FGD4: variants seen among roughly 807,000 people sequenced by gnomAD.
FGD4 encodes FYVE, RhoGEF and PH domain containing 4.
A neutral mutation model predicts 102.0 loss-of-function variants in FGD4; 42 were observed. The ratio of observed to expected loss-of-function variants is 0.41; its 90% CI spans 0.32 to 0.53. The LOEUF is 0.53. Ranked by LOEUF, FGD4 falls within the 20% of genes least tolerant of loss-of-function variation. The pLI is 0.21. For synonymous variants in FGD4, 380 were observed against 375.7 expected, an observed-to-expected ratio of 1.01 and a Z score of -0.13; for missense variants, 902 against 1,078.2, an observed-to-expected ratio of 0.84 and a Z score of 2.29.
chr12:32,572,088 TTACACACACACATACA>T (rs1214814601), intron 2 of FGD4, among the ~76,000 whole-genome samples: 1 of 151,484 alleles, frequency 6.6e-6, no homozygotes, highest in Non-Finnish European at 1.5e-5. Context: ...GTATGTATGT[TTACACACACACATACA>T]TACACACACA....
At chr12:32,410,925 T>C (rs1260163439) in intron 1 of FGD4, among the ~76,000 whole-genome samples, 1 of 142,580 alleles carries the variant, frequency 7.0e-6, no homozygotes, top group East Asian at 2.0e-4. Context: ...GAACTCTTTT[T>C]TTTTTCTTTT....
intron 10 of FGD4, among the ~76,000 whole-genome samples, chr12:32,611,963 C>T (rs1163912016): frequency 6.6e-6 from 1 of 152,236 alleles, no homozygotes; most frequent in Non-Finnish European, 1.5e-5. Context: ...TGGCCTCTCC[C>T]CGCTCCCAAT....
chr12:32,410,017 A>AG (rs1444751761), intron 1 of FGD4, among the ~76,000 whole-genome samples: 2 of 151,902 alleles, frequency 1.3e-5, no homozygotes, highest in East Asian at 3.9e-4. Flanking sequence ...AAAAAAAAAA[A>AG]AAAAAAAAGT....
chr12:32,636,880 T>C (rs113154327), intron 15 of FGD4, among the ~76,000 whole-genome samples: 31,400 of 149,996 alleles, frequency 0.21, 3,544 homozygotes, highest in South Asian at 0.37. Flanking sequence ...TTTCTTTTTT[T>C]TTTTTTTTTA....
intron 1 of FGD4, among the ~76,000 whole-genome samples, chr12:32,548,776 T>G (rs930741603): frequency 2.0e-5 from 3 of 152,242 alleles, no homozygotes; most frequent in Non-Finnish European, 2.9e-5. Context: ...CCTGCCCTAC[T>G]GCTGCTTTGT....
chr12:32,505,427 A>G (rs1176229640), intron 1 of FGD4, among the ~76,000 whole-genome samples: 1 of 152,190 alleles, frequency 6.6e-6, no homozygotes, highest in Non-Finnish European at 1.5e-5. Flanking sequence ...CTTTTTCTCT[A>G]TATGTGTGCC....
chr12:32,541,149 T>C (rs1471734952), intron 1 of FGD4, among the ~76,000 whole-genome samples: 4 of 151,772 alleles, frequency 2.6e-5, no homozygotes, highest in Non-Finnish European at 5.9e-5. Context: ...CAAAAAAAAA[T>C]AGGAAATAAT....
At chr12:32,498,226 A>T (rs1170795643) in intron 1 of FGD4, among the ~76,000 whole-genome samples, 1 of 152,254 alleles carries the variant, frequency 6.6e-6, no homozygotes. Flanking sequence ...TCTGCAGAGT[A>T]TTTAAAAATT....
At chr12:32,405,377 A>G (rs573691599) in intron 1 of FGD4, among the ~76,000 whole-genome samples, 1 of 149,996 alleles carries the variant, frequency 6.7e-6, no homozygotes, top group East Asian at 2.0e-4. Context: ...CTCTTGCCTC[A>G]GCCTCCCGAG....
chr12:32,611,989 G>A lies in FGD4; in HGVS notation c.1749+706G>A, dbSNP rs548467220. 5.3e-5 allele frequency among the ~76,000 whole-genome samples: 8 copies of A among 152,322 alleles called. No homozygotes were observed. In the East Asian group the frequency reaches 1.5e-3, roughly 29 times the overall value. ...CGCTCCCAATGCCTGTTCCGATTTCGGAGCAAATTTGGAGCCAAGCCTAGG... is the reference window on the plus strand; with the variant it reads ...CGCTCCCAATGCCTGTTCCGATTTCAGAGCAAATTTGGAGCCAAGCCTAGG... On this transcript the variant is annotated intron_variant, in intron 10 of 16. Coordinates refer to ENST00000534526, the MANE Select transcript of FGD4 (RefSeq NM_001370298.3).
chr12:32,601,195 T>TA, intron 5 of FGD4, 83 bp from the exon 6 acceptor site: 1 of 1,441,190 alleles, frequency 6.9e-7, no homozygotes, highest in Non-Finnish European at 9.5e-7. Context: ...AAAAAGTTAC[T>TA]AAGAGCCCAC....
At position 32,423,591 on chromosome 12, in the gene FGD4, CAA is replaced by C. The variant is rs35872227; in HGVS notation, c.166+23650_166+23651del. ...TGGGCAACAGAGTGAGACTTCATCT[CAA>C]AAAAAAAAAAAAAAAAAGAAAGAAA... On this transcript the variant is annotated intron_variant, in intron 1 of 16. Transcript: ENST00000534526. Among the ~76,000 whole-genome samples the C allele has an allele frequency of 1.5e-3, 106 of 72,870 alleles. 1 individual carries two copies. The highest frequency in any genetic ancestry group is 2.4e-3 in the African/African-American group (57 of 23,738). 47.8% of individuals were successfully genotyped at this position (72,870 alleles called of 152,430 possible). A position where few individuals can be genotyped will look rare whatever the true frequency, so the allele number is the denominator to read the frequency against.
chr12:32,607,803 T>G, intron 7 of FGD4, 154 bp from the exon 8 acceptor site: 1 of 773,690 alleles, frequency 1.3e-6, no homozygotes, highest in Admixed American at 2.2e-5. Context: ...TGTGAGACAC[T>G]GTGCCTGGCC....
chr12:32,477,904 A>G (rs1272236040), intron 1 of FGD4, among the ~76,000 whole-genome samples: 1 of 152,258 alleles, frequency 6.6e-6, no homozygotes, highest in Admixed American at 6.5e-5. Context: ...AGATGGCAGC[A>G]GAGGTTGCCT....
intron 1 of FGD4, among the ~76,000 whole-genome samples, chr12:32,522,291 C>T (rs1940629551): frequency 6.6e-6 from 1 of 152,138 alleles, no homozygotes. Flanking sequence ...GGATGATTTG[C>T]AAAAGACAGG....
At chr12:32,588,196 T>C (rs1565877021) in intron 4 of FGD4, among the ~76,000 whole-genome samples, 2 of 152,212 alleles carry the variant, frequency 1.3e-5, no homozygotes, top group Non-Finnish European at 2.9e-5. Flanking sequence ...TAGCCTTTAG[T>C]AGGCCTTGAT....
At chr12:32,583,636 A>G (rs543365856) in intron 4 of FGD4, among the ~76,000 whole-genome samples, 1 of 152,314 alleles carries the variant, frequency 6.6e-6, no homozygotes, top group East Asian at 1.9e-4. Flanking sequence ...AACTGCCTGG[A>G]TGGGGTTTCT....
At chr12:32,502,377 G>T (rs1413073321) in intron 1 of FGD4, 3 of 977,908 alleles carry the variant, frequency 3.1e-6, no homozygotes, top group Non-Finnish European at 3.6e-6. Flanking sequence ...TTTGTAGTAC[G>T]TTTGTGTGGG....
intron 1 of FGD4, among the ~76,000 whole-genome samples, chr12:32,525,814 C>T (rs948807105): frequency 2.6e-5 from 4 of 152,348 alleles, no homozygotes; most frequent in Admixed American, 6.5e-5. Flanking sequence ...ACTTAGCACC[C>T]GGGCCAGTGG....
Sources: allele counts gnomAD v4.1 joint callset (sites outside exome capture counted in the v4.1 genomes callset), GRCh38; gene constraint gnomAD v4.1.1; transcripts MANE v1.5; gene names NCBI Gene and HGNC (gene_info 2026-07-23, HGNC 2026-07-21).